The following HIVEP2 variants were observed in gnomAD, a reference collection of about 807,000 sequenced individuals.
The protein encoded by HIVEP2 is transcription factor HIVEP2.
A neutral mutation model predicts 180.7 loss-of-function variants in HIVEP2; 14 were observed. The ratio of observed to expected loss-of-function variants is 0.08; its 90% CI spans 0.05 to 0.12. The LOEUF is 0.12. Ranked by LOEUF, HIVEP2 falls within the 10% of genes least tolerant of loss-of-function variation. HIVEP2 has a pLI of 1.00. For synonymous variants in HIVEP2, 1,184 were observed against 1,136.4 expected (o/e 1.04, Z -0.84); for missense variants, 2,579 against 3,008.5 (o/e 0.86, Z 3.34).
At chr6:142,865,823 T>C (rs12208287) in intron 1 of HIVEP2, among the ~76,000 whole-genome samples, 17 of 152,248 alleles carry the variant, frequency 1.1e-4, no homozygotes, top group South Asian at 6.2e-4. Context: ...GGACGAGTTA[T>C]GAACAACCTA....
intron 2 of HIVEP2, among the ~76,000 whole-genome samples, chr6:142,816,011 T>C (rs1037005306): frequency 1.3e-5 from 2 of 152,200 alleles, no homozygotes; most frequent in African/African-American, 2.4e-5. Flanking sequence ...CCCAATTCTA[T>C]ACAAATTTGG....
intron 1 of HIVEP2, among the ~76,000 whole-genome samples, chr6:142,869,205 G>A (rs1056794951): frequency 5.3e-5 from 8 of 152,158 alleles, no homozygotes; most frequent in Admixed American, 2.6e-4. Flanking sequence ...TGTCAACAAT[G>A]CCAAGGTTGA....
At chr6:142,863,259 A>G (rs1326468270) in intron 1 of HIVEP2, among the ~76,000 whole-genome samples, 1 of 151,406 alleles carries the variant, frequency 6.6e-6, no homozygotes, top group Admixed American at 6.6e-5. Flanking sequence ...TAACAAAACT[A>G]TATGTTAAAA....
At chr6:142,833,025 T>C (rs1269662448) in intron 2 of HIVEP2, among the ~76,000 whole-genome samples, 2 of 152,200 alleles carry the variant, frequency 1.3e-5, no homozygotes, top group African/African-American at 2.4e-5. Context: ...AGTGGCCACA[T>C]CCACAACGCT....
chr6:142,871,900 A>C (rs1224660753), intron 1 of HIVEP2, among the ~76,000 whole-genome samples: 3 of 152,206 alleles, frequency 2.0e-5, no homozygotes, highest in African/African-American at 7.2e-5. Flanking sequence ...ACTTTGAGCA[A>C]AAGCAAACCA....
At chr6:142,870,276 C>T (rs774509360) in intron 1 of HIVEP2, among the ~76,000 whole-genome samples, 1 of 152,180 alleles carries the variant, frequency 6.6e-6, no homozygotes, top group Non-Finnish European at 1.5e-5. Flanking sequence ...TTCCTCACCG[C>T]ACTCTCACTG....
chr6:142,797,320 T>C (rs948473524), intron 2 of HIVEP2, among the ~76,000 whole-genome samples: 2 of 152,168 alleles, frequency 1.3e-5, no homozygotes, highest in African/African-American at 4.8e-5. Context: ...ATGTGAAATA[T>C]TTAGTTCTAA....
chr6:142,786,341 A>C (rs1775997049), intron 2 of HIVEP2, among the ~76,000 whole-genome samples: 1 of 152,242 alleles, frequency 6.6e-6, no homozygotes. Flanking sequence ...TATTTAATAA[A>C]ACAAACAAGT....
At chr6:142,860,950 T>C (rs539723133) in intron 1 of HIVEP2, among the ~76,000 whole-genome samples, 1 of 152,206 alleles carries the variant, frequency 6.6e-6, no homozygotes, top group Non-Finnish European at 1.5e-5. Context: ...CCTTATTTAA[T>C]GTTGGAAAAA....
At chr6:142,834,635 G>A (rs1363152125) in intron 2 of HIVEP2, among the ~76,000 whole-genome samples, 3 of 151,908 alleles carry the variant, frequency 2.0e-5, no homozygotes, top group Admixed American at 1.3e-4. Flanking sequence ...AAAATGCCAG[G>A]ACATGCAAAG....
In HIVEP2 at chr6:142,810,410, T is replaced by A. The variant is rs553722275; in HGVS notation, c.-528+26525A>T. 2.0e-5 allele frequency among the ~76,000 whole-genome samples: 3 copies of A among 152,176 alleles called. No homozygotes were observed. The East Asian group carries it at 5.8e-4, about 29-fold the overall frequency. On this transcript the variant is annotated intron_variant, in intron 2 of 9. Coordinates refer to ENST00000367603, the MANE Select transcript of HIVEP2 (RefSeq NM_006734.4). ...GTCATGCTTTCAGTAAGAAACTCAATCCAACAGGCAAAGGAAACATAATGG... is the reference window on the plus strand; with the variant it reads ...GTCATGCTTTCAGTAAGAAACTCAAACCAACAGGCAAAGGAAACATAATGG...
chr6:142,847,049 A>G (rs749695884), intron 1 of HIVEP2, among the ~76,000 whole-genome samples: 1 of 152,182 alleles, frequency 6.6e-6, no homozygotes, highest in Non-Finnish European at 1.5e-5. Context: ...AGAGGAAATG[A>G]ATATGAGTTG....
At chr6:142,912,472 G>A (rs1028361012) in intron 1 of HIVEP2, among the ~76,000 whole-genome samples, 1 of 152,064 alleles carries the variant, frequency 6.6e-6, no homozygotes, top group African/African-American at 2.4e-5. Context: ...TTTCATCCTG[G>A]CTTGATAGCT....
chr6:142,821,288 C>A (rs908301886), intron 2 of HIVEP2, among the ~76,000 whole-genome samples: 8 of 151,576 alleles, frequency 5.3e-5, no homozygotes, highest in Middle Eastern at 3.4e-3. Flanking sequence ...AAAAAAAATC[C>A]AAAGGCTCTT....
rs1309715231 is a variant in HIVEP2, at chr6:142,943,897, G to A, written c.-641+1202C>T. ...AAGAGATTCCTCTGGTCTCCTCGAAGTCATCCCCAGCGCCCCCCATCCGCC... is the reference window on the plus strand; with the variant it reads ...AAGAGATTCCTCTGGTCTCCTCGAAATCATCCCCAGCGCCCCCCATCCGCC... On this transcript the variant is annotated intron_variant, in intron 1 of 9. Coordinates refer to ENST00000367603, the MANE Select transcript of HIVEP2 (RefSeq NM_006734.4). This position sits in a 1 kb window ranked among gnomAD's most constrained non-coding sequence, Gnocchi z 4.5. 1.3e-5 allele frequency among the ~76,000 whole-genome samples: 2 copies of A among 152,080 alleles called. No homozygotes were observed. The highest frequency in any genetic ancestry group is 2.9e-5 in the Non-Finnish European group (2 of 68,004).
chr6:142,827,044 G>A (rs1464613885), intron 2 of HIVEP2, among the ~76,000 whole-genome samples: 1 of 151,848 alleles, frequency 6.6e-6, no homozygotes, highest in Non-Finnish European at 1.5e-5. Context: ...GCCTTTGTGG[G>A]GTTTAGGAGC....
At chr6:142,791,191 T>A (rs1049966340) in intron 2 of HIVEP2, among the ~76,000 whole-genome samples, 1 of 152,104 alleles carries the variant, frequency 6.6e-6, no homozygotes, top group Non-Finnish European at 1.5e-5. Context: ...ATAAGGTACA[T>A]AGGGTAAGTG....
At chr6:142,818,424 C>T (rs992696541) in intron 2 of HIVEP2, among the ~76,000 whole-genome samples, 16 of 152,114 alleles carry the variant, frequency 1.1e-4, no homozygotes, top group African/African-American at 3.1e-4. Context: ...CGCCTGTAAT[C>T]CCAGCACTTT....
At chr6:142,799,502 C>T (rs1352844928) in intron 2 of HIVEP2, among the ~76,000 whole-genome samples, 1 of 152,074 alleles carries the variant, frequency 6.6e-6, no homozygotes, top group Non-Finnish European at 1.5e-5. Flanking sequence ...ATTATCTCTT[C>T]TTGGAAGAAA....
Sources: gnomAD v4.1 joint callset for allele counts (sites outside exome capture counted in the v4.1 genomes callset) on GRCh38, gnomAD v4.1.1 for gene constraint, Gnocchi (gnomAD v3.1) non-coding constraint, MANE v1.5 for transcripts, NCBI Gene and HGNC (gene_info 2026-07-23, HGNC 2026-07-21) for gene names.